Variants in HEPHL1 observed in about 807,000 individuals in gnomAD.
HEPHL1 encodes ferroxidase HEPHL1.
In HEPHL1, 123 loss-of-function variants were observed where a neutral mutation model predicts 122.0. The ratio of observed to expected loss-of-function variants is 1.01; its 90% CI spans 0.87 to 1.17. The LOEUF (loss-of-function observed/expected upper bound fraction) is 1.17, where lower values mean the gene tolerates loss of function less well. Among genes scored for constraint, HEPHL1 ranks in the 50% most tolerant of loss-of-function variants. The pLI, the probability that HEPHL1 is intolerant of heterozygous loss-of-function variation, is 0.00. For synonymous variants in HEPHL1, 527 were observed against 508.9 expected (o/e 1.04, Z -0.48); for missense variants, 1,452 against 1,430.5 (o/e 1.01, Z -0.24).
At chr11:94,085,638 T>A (rs572571533) in intron 10 of HEPHL1, among the ~76,000 whole-genome samples, 17 of 152,312 alleles carry the variant, frequency 1.1e-4, no homozygotes, top group African/African-American at 3.6e-4. Context: ...AGGGAGATCA[T>A]AGGAAAATAA....
intron 9 of HEPHL1, among the ~76,000 whole-genome samples, chr11:94,078,048 A>G (rs905339141): frequency 8.5e-5 from 13 of 152,204 alleles, no homozygotes; most frequent in African/African-American, 3.1e-4. Flanking sequence ...ACAAGAAGAT[A>G]AGTGCAATGG....
chr11:94,089,888 C>T (rs1278665252), intron 12 of HEPHL1, among the ~76,000 whole-genome samples: 1 of 152,106 alleles, frequency 6.6e-6, no homozygotes, highest in Non-Finnish European at 1.5e-5. Context: ...CATTGTCCCT[C>T]CTGGCCCAGT....
At chr11:94,100,667 C>T (rs1946360881) in intron 13 of HEPHL1, among the ~76,000 whole-genome samples, 1 of 152,174 alleles carries the variant, frequency 6.6e-6, no homozygotes, top group East Asian at 1.9e-4. Context: ...ATTGGATCTT[C>T]ATTATTATTG....
chr11:94,074,438 A>G (rs1946103334), intron 8 of HEPHL1, among the ~76,000 whole-genome samples: 1 of 143,606 alleles, frequency 7.0e-6, no homozygotes, highest in South Asian at 2.4e-4. Flanking sequence ...TAAAAAAATA[A>G]AAGAAAAAAA....
chr11:94,088,879 T>C lies in HEPHL1; in HGVS notation c.2205T>C (p.Phe735=), dbSNP rs1946240083. 1.2e-6 allele frequency: 2 copies of C among 1,613,970 alleles called. No homozygotes were observed. Among genetic ancestry groups the C allele is most frequent in the Non-Finnish European group, 1.7e-6 (2 of 1,179,892 alleles). Residue 735 remains phenylalanine (F), a synonymous_variant, in exon 12 of 20, where the codon TTT becomes TTC. Transcript: ENST00000315765. ...SEQRYGMIRT[F]YIAAEEVEWD... ...AGCGGTACGGGATGATAAGAACTTT[T>C]TACATCGCCGCTGAAGAAGTAGAAT...
chr11:94,098,832 T>C lies in HEPHL1; in HGVS notation c.2435-2363T>C, dbSNP rs531585414. Among the ~76,000 whole-genome samples, 81 of 152,340 alleles carry C rather than the reference T, an allele frequency of 5.3e-4. 1 individual carries two copies. The highest frequency in any genetic ancestry group is 8.5e-4 in the Non-Finnish European group (58 of 68,032). On this transcript the variant is annotated intron_variant, in intron 13 of 19. Transcript: ENST00000315765. ...GCTACTGAAGCTTGTGCATTCATTA[T>C]GTAGTTCTCGTGCCATGGTTTTCAG...
chr11:94,027,549 C>T (rs1337648471), intron 1 of HEPHL1, among the ~76,000 whole-genome samples: 1 of 152,074 alleles, frequency 6.6e-6, no homozygotes, highest in Non-Finnish European at 1.5e-5. Flanking sequence ...GATTCAGCAC[C>T]ACTCTCCCAG....
chr11:94,031,090 C>A (rs1324525430), intron 1 of HEPHL1, among the ~76,000 whole-genome samples: 1 of 152,104 alleles, frequency 6.6e-6, no homozygotes, highest in Non-Finnish European at 1.5e-5. Flanking sequence ...CCCTTGGAGG[C>A]CAAACAGCAT....
rs371983447 is a variant in HEPHL1, at chr11:94,103,013, T to C, written c.2675T>C (p.Phe892Ser). 1.0e-5 allele frequency: 16 copies of C among 1,579,680 alleles called. 1 individual carries two copies. Among genetic ancestry groups the C allele is most frequent in the Non-Finnish European group, 1.4e-5 (16 of 1,148,834 alleles). Residue 892 changes from phenylalanine to serine, a missense_variant, in exon 15 of 20, where the codon TTT becomes TCT. Phe to Ser is a radical substitution (Grantham distance 155). Transcript: ENST00000315765. ...IPWVYYSTVN[F>S]VKDTYSGLMG... ...TGGGTTTACTATTCAACAGTAAACT[T>C]TGTGAAGGTAAGGTGGAGAAAGCAA...
intron 3 of HEPHL1, among the ~76,000 whole-genome samples, chr11:94,064,092 G>T (rs573047365): frequency 6.6e-6 from 1 of 152,088 alleles, no homozygotes; most frequent in Non-Finnish European, 1.5e-5. Context: ...CAATAAAATG[G>T]ACTCCCTTTA....
intron 8 of HEPHL1, among the ~76,000 whole-genome samples, chr11:94,074,653 C>A (rs1321248668): frequency 6.6e-6 from 1 of 152,094 alleles, no homozygotes; most frequent in Non-Finnish European, 1.5e-5. Flanking sequence ...TGGAATCAGA[C>A]AAAAACTGAG....
In HEPHL1 at chr11:94,111,056, C is replaced by T. The variant is rs748122272; in HGVS notation, c.3199C>T (p.Arg1067Cys). Reference sequence around the variant, plus strand: ...CATGGAGACAACCTACACGGTCCTTCGTAACATAGGTACGGTTGTCTGTCA... The same window carrying T: ...CATGGAGACAACCTACACGGTCCTTTGTAACATAGGTACGGTTGTCTGTCA... Reference protein sequence around the residue: ...AGMETTYTVLRNIDNRIPYST... With the variant: ...AGMETTYTVLCNIDNRIPYST... Residue 1067 changes from arginine to cysteine, a missense_variant, in exon 18 of 20, where the codon CGT (arginine) becomes TGT (cysteine). Transcript: ENST00000315765. 1.6e-5 allele frequency: 25 copies of T among 1,589,776 alleles called. No homozygotes were observed. The highest frequency in any genetic ancestry group is 6.8e-5 in the East Asian group (3 of 44,134).
chr11:94,026,651 G>A (rs1429275063), intron 1 of HEPHL1, among the ~76,000 whole-genome samples: 1 of 152,206 alleles, frequency 6.6e-6, no homozygotes, highest in African/African-American at 2.4e-5. Context: ...GCTTTAAAAG[G>A]TTAGCACACC....
At chr11:94,098,614 A>G (rs945543045) in intron 13 of HEPHL1, among the ~76,000 whole-genome samples, 1 of 152,202 alleles carries the variant, frequency 6.6e-6, no homozygotes, top group African/African-American at 2.4e-5. Context: ...GTGTTTTCCA[A>G]CTTGATTCCA....
At chr11:94,049,531 CCCA>C in intron 2 of HEPHL1, among the ~76,000 whole-genome samples, 1 of 151,528 alleles carries the variant, frequency 6.6e-6, no homozygotes, top group East Asian at 1.9e-4. Flanking sequence ...TCATTGAGCA[CCCA>C]CCAGGTGCCA....
intron 15 of HEPHL1, 57 bp downstream of exon 15, chr11:94,103,077 T>C: frequency 1.0e-6 from 1 of 983,194 alleles, no homozygotes; most frequent in South Asian, 1.3e-5. Context: ...AGTTGACTAC[T>C]TGGGTCATCA....
chr11:94,103,773 A>G (rs1484950961), intron 15 of HEPHL1, among the ~76,000 whole-genome samples: 1 of 152,236 alleles, frequency 6.6e-6, no homozygotes. Flanking sequence ...CTTAGGTATT[A>G]GATGGCTTGT....
rs148692062 is a variant in HEPHL1 at position 94,073,974 on chromosome 11, C to G, written c.1504+535C>G. On this transcript the variant is annotated intron_variant, in intron 8 of 19. Coordinates refer to ENST00000315765, the MANE Select transcript of HEPHL1 (RefSeq NM_001098672.2). ...TCACAGAGTACATGGCATAGGTTCTCTAAATGTAAGAAAGGTAGCTGTTGC... is the reference window on the plus strand; with the variant it reads ...TCACAGAGTACATGGCATAGGTTCTGTAAATGTAAGAAAGGTAGCTGTTGC... 6.0e-3 allele frequency among the ~76,000 whole-genome samples: 919 copies of G among 152,250 alleles called. 9 individuals are homozygous for G. Among genetic ancestry groups the G allele is most frequent in the African/African-American group, 0.021 (885 of 41,548 alleles).
At chr11:94,059,912 C>T (rs1945970581) in intron 2 of HEPHL1, among the ~76,000 whole-genome samples, 1 of 151,728 alleles carries the variant, frequency 6.6e-6, no homozygotes, top group South Asian at 2.1e-4. Flanking sequence ...ATAATCAATT[C>T]AAAATAAGTG....
Sources: gnomAD v4.1 joint callset for allele counts (sites outside exome capture counted in the v4.1 genomes callset) on GRCh38, gnomAD v4.1.1 for gene constraint, MANE v1.5 for transcripts, NCBI Gene and HGNC (gene_info 2026-07-23, HGNC 2026-07-21) for gene names.